The following PPP3R1 variants were observed in gnomAD, a reference collection of about 807,000 sequenced individuals.
The protein encoded by PPP3R1 is protein phosphatase 3 regulatory subunit B, alpha, also known as calcineurin subunit B type 1.
In PPP3R1, 5 loss-of-function variants were observed where a neutral mutation model predicts 22.6. The observed-to-expected ratio is 0.22, with a 90% CI of 0.12 to 0.46. The LOEUF (loss-of-function observed/expected upper bound fraction) is 0.46, where lower values mean the gene tolerates loss of function less well. PPP3R1 is among the 20% of genes least tolerant of loss of function. The pLI, the probability that PPP3R1 is intolerant of heterozygous loss-of-function variation, is 0.99. For synonymous variants in PPP3R1, 56 were observed against 65.2 expected (o/e 0.86, Z 0.68); for missense variants, 61 against 203.2 (o/e 0.30, Z 4.25).
chr2:68,232,732 G>T (rs938147984), intron 1 of PPP3R1, among the ~76,000 whole-genome samples: 1 of 151,896 alleles, frequency 6.6e-6, no homozygotes, highest in Non-Finnish European at 1.5e-5. Context: ...TCAGCCTCTC[G>T]AGTAGCTGGG....
chr2:68,203,349 C>T (rs1675026483), intron 2 of PPP3R1, among the ~76,000 whole-genome samples: 1 of 152,216 alleles, frequency 6.6e-6, no homozygotes, highest in Non-Finnish European at 1.5e-5. Context: ...CACCTGTAAT[C>T]CCACCACTTT....
At chr2:68,225,957 CAGAT>C (rs1669772123) in intron 1 of PPP3R1, among the ~76,000 whole-genome samples, 1 of 152,154 alleles carries the variant, frequency 6.6e-6, no homozygotes, top group Non-Finnish European at 1.5e-5. Flanking sequence ...AACTGGTGAA[CAGAT>C]AAACTGTTAT....
rs1201474194 is a variant in PPP3R1, at chr2:68,232,255, GTGTGTGTGTGTA to G, written c.4-15136_4-15125del. Among the ~76,000 whole-genome samples the G allele has an allele frequency of 8.8e-4, 62 of 70,184 alleles. 3 individuals carry two copies. Among genetic ancestry groups the G allele is most frequent in the African/African-American group, 5.6e-3 (52 of 9,274 alleles). 46.0% of individuals were successfully genotyped at this position (70,184 alleles called of 152,430 possible). On this transcript the variant is annotated intron_variant, in intron 1 of 5. Transcript: ENST00000234310. The stretch of plus-strand genomic sequence containing the variant: ...TGTGTGTGTGTGTGTGTGTGTGTGT[GTGTGTGTGTGTA>G]TATATATATACACACACACAAAAAT...
intron 1 of PPP3R1, among the ~76,000 whole-genome samples, chr2:68,225,611 T>C (rs752568766): frequency 1.3e-5 from 2 of 152,222 alleles, no homozygotes; most frequent in African/African-American, 2.4e-5. Flanking sequence ...TGCAGAACTA[T>C]GAAATAATAA....
intron 1 of PPP3R1, among the ~76,000 whole-genome samples, chr2:68,241,383 A>G (rs1378881752): frequency 6.6e-6 from 1 of 152,136 alleles, no homozygotes; most frequent in Middle Eastern, 3.2e-3. Context: ...CCAACTGTAT[A>G]TGTCACAATT....
intron 2 of PPP3R1, among the ~76,000 whole-genome samples, chr2:68,211,825 C>A (rs1299148888): frequency 3.3e-5 from 5 of 152,196 alleles, no homozygotes; most frequent in Non-Finnish European, 7.3e-5. Flanking sequence ...TAAAAAGCAA[C>A]TCCTTATCTG....
At chr2:68,182,453 TCTCCTA>T (rs1558625735) in intron 5 of PPP3R1, among the ~76,000 whole-genome samples, 3 of 151,976 alleles carry the variant, frequency 2.0e-5, no homozygotes, top group Non-Finnish European at 2.9e-5. Flanking sequence ...CTTCCCTCTA[TCTCCTA>T]CCCTACACAC....
chr2:68,232,560 G>A (rs993185653), intron 1 of PPP3R1, among the ~76,000 whole-genome samples: 2 of 151,942 alleles, frequency 1.3e-5, no homozygotes, highest in Non-Finnish European at 2.9e-5. Flanking sequence ...GTAGACTATG[G>A]ATCTACTCTA....
rs138646438 is a variant in PPP3R1 at position 68,204,093 on chromosome 2, C to A, written c.43+12999G>T. ...TTCCACTCTTACTTTCAATTGTGCC[C>A]CAATCTAGTCTTCTGCTTAAATTAT... On this transcript the variant is annotated intron_variant, in intron 2 of 5. Transcript: ENST00000234310. Among the ~76,000 whole-genome samples the A allele has an allele frequency of 2.7e-3, 413 of 152,180 alleles. 3 individuals carry two copies. Among genetic ancestry groups the A allele is most frequent in the African/African-American group, 6.2e-3 (259 of 41,510 alleles).
chr2:68,232,220 T>TACA (rs1669925928), intron 1 of PPP3R1, among the ~76,000 whole-genome samples: 2 of 31,546 alleles, frequency 6.3e-5, no homozygotes, highest in African/African-American at 6.1e-4. Context: ...TGTATATGTA[T>TACA]ATATGTGTGT....
intron 2 of PPP3R1, among the ~76,000 whole-genome samples, chr2:68,206,504 C>A (rs1397260325): frequency 6.6e-6 from 1 of 152,152 alleles, no homozygotes; most frequent in Admixed American, 6.5e-5. Flanking sequence ...CCAGGTAATG[C>A]AGGCAAGTTT....
intron 1 of PPP3R1, among the ~76,000 whole-genome samples, chr2:68,232,262 T>C (rs1294779281): frequency 2.9e-5 from 1 of 34,504 alleles, no homozygotes; most frequent in Non-Finnish European, 4.5e-5. Flanking sequence ...TGTGTGTGTG[T>C]GTGTATATAT....
intron 1 of PPP3R1, 59 bp downstream of exon 1, chr2:68,252,066 C>T: frequency 7.3e-7 from 1 of 1,370,598 alleles, no homozygotes; most frequent in South Asian, 1.5e-5. Context: ...GCCCCCGCAC[C>T]CGACCCGGAC....
chr2:68,213,492 A>G (rs1669521635), intron 2 of PPP3R1, among the ~76,000 whole-genome samples: 1 of 152,208 alleles, frequency 6.6e-6, no homozygotes, highest in Admixed American at 6.5e-5. Context: ...GACACCGTTC[A>G]TGCTGCCCCA....
intron 1 of PPP3R1, among the ~76,000 whole-genome samples, chr2:68,246,903 T>C (rs957829087): frequency 6.6e-6 from 1 of 152,180 alleles, no homozygotes; most frequent in Non-Finnish European, 1.5e-5. Context: ...CAGATATAGG[T>C]AGCCAATTAC....
At chr2:68,201,336 T>G (rs554663162) in intron 2 of PPP3R1, among the ~76,000 whole-genome samples, 82 of 152,262 alleles carry the variant, frequency 5.4e-4, no homozygotes, top group African/African-American at 1.3e-3. Flanking sequence ...ATTCAAGACT[T>G]ACTTACACGT....
intron 1 of PPP3R1, among the ~76,000 whole-genome samples, chr2:68,232,622 T>G (rs1359495606): frequency 2.6e-5 from 4 of 151,932 alleles, no homozygotes; most frequent in Non-Finnish European, 4.4e-5. Context: ...TGTTGTTGTT[T>G]TTGAGACAGA....
chr2:68,242,320 G>A (rs1485338819), intron 1 of PPP3R1, among the ~76,000 whole-genome samples: 3 of 151,882 alleles, frequency 2.0e-5, no homozygotes, highest in Non-Finnish European at 4.4e-5. Flanking sequence ...ACAGCTACTC[G>A]AAAGCTGAGG....
intron 3 of PPP3R1, 55 bp downstream of exon 3, chr2:68,188,459 A>G: frequency 7.3e-7 from 1 of 1,372,174 alleles, no homozygotes; most frequent in Admixed American, 2.4e-5. Context: ...ACAGAGCTGT[A>G]AGAATACAAA....
Sources: allele counts gnomAD v4.1 joint callset (sites outside exome capture counted in the v4.1 genomes callset), GRCh38; gene constraint gnomAD v4.1.1; transcripts MANE v1.5; gene names NCBI Gene and HGNC (gene_info 2026-07-23, HGNC 2026-07-21).